Variants in AGAP1 observed in about 807,000 individuals in gnomAD.
The protein encoded by AGAP1 is arf-GAP with GTPase, ANK repeat and PH domain-containing protein 1.
AGAP1 carries 29 observed loss-of-function variants against 105.3 expected under a neutral mutation model. That is an observed-to-expected ratio of 0.28 (90% CI 0.21 to 0.38). The LOEUF (loss-of-function observed/expected upper bound fraction) is 0.38. Ranked by LOEUF, AGAP1 falls within the 10% of genes least tolerant of loss-of-function variation. The pLI, the probability that AGAP1 is intolerant of heterozygous loss-of-function variation, is 1.00. For missense variants in AGAP1, 998 were observed against 1,165.1 expected, an observed-to-expected ratio of 0.86 and a Z score of 2.09; for synonymous variants, 509 against 485.9, an observed-to-expected ratio of 1.05 and a Z score of -0.63.
At chr2:236,081,960 T>C (rs1248975678) in intron 16 of AGAP1, among the ~76,000 whole-genome samples, 2 of 152,182 alleles carry the variant, frequency 1.3e-5, no homozygotes, top group Admixed American at 6.5e-5. Context: ...ATAGGTTCCA[T>C]GCATGGGAAG....
Position 235,615,516 on chromosome 2 carries a change from A to G in AGAP1, c.164-93663A>G, listed in dbSNP as rs574960753. On this transcript the variant is annotated intron_variant, in intron 1 of 17. Coordinates refer to ENST00000304032, the MANE Select transcript of AGAP1 (RefSeq NM_001037131.3). The surrounding 1 kb of genome is among the most constrained non-coding windows in gnomAD (Gnocchi z 5.0). Reference sequence around the variant, plus strand: ...TAAATTTATCCGTAAGCATGGATCAAATGCACATTTGGCATGATTCTCATC... The same window carrying G: ...TAAATTTATCCGTAAGCATGGATCAGATGCACATTTGGCATGATTCTCATC... 2.6e-5 allele frequency among the ~76,000 whole-genome samples: 4 copies of G among 152,322 alleles called. No individual in the cohort carries two copies. The highest frequency in any genetic ancestry group is 9.6e-5 in the African/African-American group (4 of 41,564).
chr2:235,740,157 G>C lies in AGAP1; in HGVS notation c.311-806G>C, dbSNP rs960502152. Among the ~76,000 whole-genome samples the C allele has an allele frequency of 3.9e-5, 6 of 152,160 alleles. No individual in the cohort carries two copies. Among genetic ancestry groups the C allele is most frequent in the African/African-American group, 1.4e-4 (6 of 41,450 alleles). ...AGGGTGGAATCCTTCCCGCTGCCCA[G>C]CAGGAGCAGGGCTGGCCTAGCGGGC... On this transcript the variant is annotated intron_variant, in intron 3 of 17. Transcript: ENST00000304032. The surrounding 1 kb of genome is among the most constrained non-coding windows in gnomAD (Gnocchi z 5.7).
chr2:235,523,081 C>G (rs932914792), intron 1 of AGAP1, among the ~76,000 whole-genome samples: 7 of 152,306 alleles, frequency 4.6e-5, no homozygotes, highest in East Asian at 1.9e-4. Flanking sequence ...GGTGAGGGCT[C>G]TCTTCCTGGC....
chr2:235,698,486 GT>G (rs1294153997), intron 1 of AGAP1, among the ~76,000 whole-genome samples: 3 of 152,106 alleles, frequency 2.0e-5, no homozygotes, highest in African/African-American at 7.2e-5. Flanking sequence ...TTTTCTTGCA[GT>G]TTCTGACTTG....
chr2:235,668,089 G>C (rs1948188663), intron 1 of AGAP1, among the ~76,000 whole-genome samples: 1 of 151,848 alleles, frequency 6.6e-6, no homozygotes, highest in Non-Finnish European at 1.5e-5. Context: ...CTTAGAGTTT[G>C]AGTAGCAGGT....
chr2:235,604,637 C>T (rs1258869765), intron 1 of AGAP1, among the ~76,000 whole-genome samples: 3 of 115,372 alleles, frequency 2.6e-5, no homozygotes, highest in East Asian at 2.8e-4. Flanking sequence ...GGCTGGAGTG[C>T]AGTGGCACGA....
rs554144582 is a variant in AGAP1 at position 236,053,619 on chromosome 2, A to C, written c.2114+4338A>C. On this transcript the variant is annotated intron_variant, in intron 16 of 17. Coordinates refer to ENST00000304032, the MANE Select transcript of AGAP1 (RefSeq NM_001037131.3). The surrounding 1 kb of genome is among the most constrained non-coding windows in gnomAD (Gnocchi z 4.6). ...TGGCAGAAGCCTCGCTCTGCGTGGCACTGCATCTCCCCATCTTTGTGTCCT... is the reference window on the plus strand; with the variant it reads ...TGGCAGAAGCCTCGCTCTGCGTGGCCCTGCATCTCCCCATCTTTGTGTCCT... Among the ~76,000 whole-genome samples, 1 of 152,270 alleles carries C rather than the reference A, an allele frequency of 6.6e-6. No individual in the cohort carries two copies. Among genetic ancestry groups the C allele is most frequent in the African/African-American group, 2.4e-5 (1 of 41,476 alleles).
intron 1 of AGAP1, among the ~76,000 whole-genome samples, chr2:235,702,261 G>A (rs1471209813): frequency 1.3e-5 from 2 of 152,290 alleles, no homozygotes; most frequent in East Asian, 1.9e-4. Context: ...AGCTCTGCTG[G>A]GGAATGAGCC....
rs1055745339 is a variant in AGAP1 at position 235,557,128 on chromosome 2, A to G, written c.163+62279A>G. On this transcript the variant is annotated intron_variant, in intron 1 of 17. Coordinates refer to ENST00000304032, the MANE Select transcript of AGAP1 (RefSeq NM_001037131.3). This position sits in a 1 kb window ranked among gnomAD's most constrained non-coding sequence, Gnocchi z 4.7. ...GCCCGTGGGTCTGGTTGTCTTGCTG[A>G]CCTGGTCTGCCTCCTGCTTGCTTCC... Among the ~76,000 whole-genome samples, 2 of 151,876 alleles carry G rather than the reference A, an allele frequency of 1.3e-5. No homozygotes were observed. The highest frequency in any genetic ancestry group is 4.8e-5 in the African/African-American group (2 of 41,326).
At chr2:235,784,999 A>G (rs551032443) in intron 6 of AGAP1, among the ~76,000 whole-genome samples, 1 of 152,328 alleles carries the variant, frequency 6.6e-6, no homozygotes, top group Non-Finnish European at 1.5e-5. Flanking sequence ...TACATTGTAT[A>G]ATTCAACCTG....
rs1197318797 is a variant in AGAP1, at chr2:235,788,211, A to G, written c.674-9548A>G. Among the ~76,000 whole-genome samples the G allele has an allele frequency of 6.6e-6, 1 of 151,924 alleles. No individual in the cohort carries two copies. The highest frequency in any genetic ancestry group is 1.5e-5 in the Non-Finnish European group (1 of 68,026). On this transcript the variant is annotated intron_variant, in intron 6 of 17. Transcript: ENST00000304032. The surrounding 1 kb of genome is among the most constrained non-coding windows in gnomAD (Gnocchi z 6.0). ...GAGTGCCATACTGGGACCCTACGGT[A>G]CAGCCAGCCGGAGACACAGGGTTCC...
chr2:235,657,439 C>T (rs1489695005), intron 1 of AGAP1, among the ~76,000 whole-genome samples: 1 of 152,130 alleles, frequency 6.6e-6, no homozygotes, highest in Non-Finnish European at 1.5e-5. Flanking sequence ...AGTGTAATGG[C>T]GCCACCTCGG....
intron 1 of AGAP1, among the ~76,000 whole-genome samples, chr2:235,696,736 A>G (rs1454579269): frequency 6.6e-6 from 1 of 152,032 alleles, no homozygotes; most frequent in African/African-American, 2.4e-5. Context: ...TGGGGGAAAA[A>G]TTATCCATGC....
chr2:235,851,314 A>G (rs1046947033), intron 9 of AGAP1, among the ~76,000 whole-genome samples: 2 of 152,134 alleles, frequency 1.3e-5, no homozygotes, highest in Admixed American at 6.5e-5. Context: ...CACTACAGAC[A>G]TGGGGTTTGG....
chr2:235,523,639 G>T (rs1386220885), intron 1 of AGAP1, among the ~76,000 whole-genome samples: 1 of 152,182 alleles, frequency 6.6e-6, no homozygotes, highest in Admixed American at 6.5e-5. Flanking sequence ...GGATGAAATG[G>T]CAGGTGTTAC....
chr2:235,918,338 A>T (rs1015758760), intron 11 of AGAP1, among the ~76,000 whole-genome samples: 6 of 152,230 alleles, frequency 3.9e-5, no homozygotes, highest in Admixed American at 3.9e-4. Context: ...TGCTTTCATA[A>T]ACCAGGTTTT....
rs1015328305 is a variant in AGAP1, at chr2:235,662,953, G to T, written c.164-46226G>T. Among the ~76,000 whole-genome samples, 3 of 152,198 alleles carry T rather than the reference G, an allele frequency of 2.0e-5. No individual in the cohort carries two copies. The highest frequency in any genetic ancestry group is 2.1e-4 in the South Asian group (1 of 4,820). ...ATGCATGTTCTAACTAGGAGGGCAGGTAGCTGCCGCTCCCAGCAGCCCCTG... is the reference window on the plus strand; with the variant it reads ...ATGCATGTTCTAACTAGGAGGGCAGTTAGCTGCCGCTCCCAGCAGCCCCTG... On this transcript the variant is annotated intron_variant, in intron 1 of 17. Coordinates refer to ENST00000304032, the MANE Select transcript of AGAP1 (RefSeq NM_001037131.3). The surrounding 1 kb of genome is among the most constrained non-coding windows in gnomAD (Gnocchi z 4.2).
chr2:236,106,401 CG>C (rs2059492216), intron 16 of AGAP1, among the ~76,000 whole-genome samples: 1 of 152,240 alleles, frequency 6.6e-6, no homozygotes, highest in African/African-American at 2.4e-5. Context: ...ACTGCGGCAG[CG>C]CACAGGGCTC....
At chr2:236,025,982 C>T (rs116450774) in intron 13 of AGAP1, among the ~76,000 whole-genome samples, 329 of 151,796 alleles carry the variant, frequency 2.2e-3, no homozygotes, top group Non-Finnish European at 3.3e-3. Flanking sequence ...GCAGGAGCTT[C>T]AGGGACCTCA....
Sources: allele counts gnomAD v4.1 joint callset (sites outside exome capture counted in the v4.1 genomes callset), GRCh38; gene constraint gnomAD v4.1.1; non-coding constraint Gnocchi (gnomAD v3.1); transcripts MANE v1.5; gene names NCBI Gene and HGNC (gene_info 2026-07-23, HGNC 2026-07-21).